Variants in BRIP1 observed in about 807,000 individuals in gnomAD.
BRIP1 encodes Fanconi anemia group J protein.
A neutral mutation model predicts 119.7 loss-of-function variants in BRIP1; 88 were observed. The ratio of observed to expected loss-of-function variants is 0.74; its 90% confidence interval spans 0.62 to 0.88. The LOEUF is 0.88. Ranked by LOEUF, BRIP1 falls within the 40% of genes least tolerant of loss-of-function variation. The pLI is 0.00. For missense variants in BRIP1, 1,259 were observed against 1,455.4 expected, an observed-to-expected ratio of 0.87 and a Z score of 2.20; for synonymous variants, 443 against 496.5, an observed-to-expected ratio of 0.89 and a Z score of 1.43.
rs913650005 is a variant in BRIP1 at position 61,722,096 on chromosome 17, C to T, written c.2380-6033G>A. On this transcript the variant is annotated intron_variant, in intron 16 of 19. Transcript: ENST00000259008. This position sits in a 1 kb window ranked among gnomAD's most constrained non-coding sequence, Gnocchi z 4.6. ...TTGCTCAATCACCCAGGCTGGAGTA[C>T]GGTGGCATGATCTCGGCTCACTGCA... Among the ~76,000 whole-genome samples, 4 of 149,530 alleles carry T rather than the reference C, an allele frequency of 2.7e-5. No homozygotes were observed. The highest frequency in any genetic ancestry group is 6.7e-5 in the Admixed American group (1 of 14,908).
rs2076744923 is a variant in BRIP1, at chr17:61,724,910, A to T, written c.2380-8847T>A. Among the ~76,000 whole-genome samples the T allele has an allele frequency of 6.6e-6, 1 of 152,232 alleles. No individual in the cohort carries two copies. The highest frequency in any genetic ancestry group is 3.2e-3 in the Middle Eastern group (1 of 316). ...ACATTTACAGCAAACCAAATCTGGA[A>T]GACAGAGACTGTGCATTAGAGACAT... is the stretch of plus-strand genomic sequence containing the variant. On this transcript the variant is annotated intron_variant, in intron 16 of 19. Transcript: ENST00000259008. This position sits in a 1 kb window ranked among gnomAD's most constrained non-coding sequence, Gnocchi z 5.1.
In BRIP1 at chr17:61,857,478, C is replaced by G. The variant is rs1288656447; in HGVS notation, c.206-247G>C. Among the ~76,000 whole-genome samples the G allele has an allele frequency of 6.6e-6, 1 of 152,160 alleles. No individual in the cohort carries two copies. On this transcript the variant is annotated intron_variant, in intron 3 of 19. Coordinates refer to ENST00000259008, the MANE Select transcript of BRIP1 (RefSeq NM_032043.3). The surrounding 1 kb of genome is among the most constrained non-coding windows in gnomAD (Gnocchi z 5.1). The stretch of plus-strand genomic sequence containing the variant: ...GTGGCTCACGCCTGTTATCCTAGCA[C>G]TTTGGGAGGCCGAGGCAGGCACATC...
rs1261836416 is a variant in BRIP1, at chr17:61,729,328, C to T, written c.2380-13265G>A. Among the ~76,000 whole-genome samples, 1 of 151,870 alleles carries T rather than the reference C, an allele frequency of 6.6e-6. No individual in the cohort carries two copies. Among genetic ancestry groups the T allele is most frequent in the Non-Finnish European group, 1.5e-5 (1 of 67,932 alleles). Reference sequence around the variant, plus strand: ...CAAACAAACAAAAAAGAAAGGAAATCATTTGATTACAGTGAACAGTATTTT... The same window carrying T: ...CAAACAAACAAAAAAGAAAGGAAATTATTTGATTACAGTGAACAGTATTTT... On this transcript the variant is annotated intron_variant, in intron 16 of 19. Transcript: ENST00000259008. The surrounding 1 kb of genome is among the most constrained non-coding windows in gnomAD (Gnocchi z 5.6).
rs986037874 is a variant in BRIP1 at position 61,700,788 on chromosome 17, G to A, written c.2493-7276C>T. Among the ~76,000 whole-genome samples, 5 of 151,836 alleles carry A rather than the reference G, an allele frequency of 3.3e-5. No individual in the cohort carries two copies. The highest frequency in any genetic ancestry group is 1.2e-4 in the African/African-American group (5 of 41,328). On this transcript the variant is annotated intron_variant, in intron 17 of 19. Transcript: ENST00000259008. This position sits in a 1 kb window ranked among gnomAD's most constrained non-coding sequence, Gnocchi z 4.1. ...CTGGGACTCCAAATATGCATATGTT[G>A]GTACGCTTGATGAGGTTTTACAGGT...
In BRIP1 at chr17:61,822,705, A is replaced by T. The variant is rs1419682337; in HGVS notation, c.628-13948T>A. ...GAATCAATAGAAAGGAGGAAAAATA[A>T]TTGACAAACATCCAGTGATGTGTAA... On this transcript the variant is annotated intron_variant, in intron 6 of 19. Coordinates refer to ENST00000259008, the MANE Select transcript of BRIP1 (RefSeq NM_032043.3). The surrounding 1 kb of genome is among the most constrained non-coding windows in gnomAD (Gnocchi z 4.4). 1.3e-5 allele frequency among the ~76,000 whole-genome samples: 2 copies of T among 152,196 alleles called. No individual in the cohort carries two copies. Among genetic ancestry groups the T allele is most frequent in the Non-Finnish European group, 2.9e-5 (2 of 68,030 alleles).
rs947024650 is a variant in BRIP1, at chr17:61,846,129, C to T, written c.627+972G>A. 2.0e-5 allele frequency among the ~76,000 whole-genome samples: 3 copies of T among 151,496 alleles called. No individual in the cohort carries two copies. In the East Asian group the frequency reaches 5.8e-4, roughly 29 times the overall value. On this transcript the variant is annotated intron_variant, in intron 6 of 19. Transcript: ENST00000259008. The surrounding 1 kb of genome is among the most constrained non-coding windows in gnomAD (Gnocchi z 4.3). ...CCCAGGAGGCGGAGCTTGCAGTGGG[C>T]GGAGATCACGCCACCGCACTTCCAG...
In BRIP1 at chr17:61,799,324, TA is replaced by T. The variant is rs1212935903; in HGVS notation, c.1141-26del. The T allele has an allele frequency of 6.3e-7, 1 of 1,581,692 alleles. No individual in the cohort carries two copies. Among genetic ancestry groups the T allele is most frequent in the East Asian group, 2.2e-5 (1 of 44,644 alleles). The stretch of plus-strand genomic sequence containing the variant: ...TCTATAAGATAAAAGAATTTTCTTG[TA>T]AAACATTTGGCAAAATAGATTTAAC... On this transcript the variant is annotated intron_variant, in intron 8 of 19. Transcript: ENST00000259008. The surrounding 1 kb of genome is among the most constrained non-coding windows in gnomAD (Gnocchi z 5.1).
Position 61,799,269 on chromosome 17 carries a change from T to C in BRIP1, c.1171A>G (p.Ile391Val), listed in dbSNP as rs863224798. The C allele has an allele frequency of 5.0e-6, 8 of 1,613,060 alleles. No individual in the cohort carries two copies. In the African/African-American group the frequency reaches 8.0e-5, roughly 16 times the overall value. ...MDLNLKEQVV[I>V]LDEAHNIEDC... ...TCGATGTTATGAGCTTCATCTAAAA[T>C]GACAACCTGTTCTTTCAGATTTAAA... Residue 391 changes from isoleucine (I) to valine (V), a missense_variant, in exon 9 of 20, where the codon ATT becomes GTT. Coordinates refer to ENST00000259008, the MANE Select transcript of BRIP1 (RefSeq NM_032043.3). The surrounding 1 kb of genome is among the most constrained non-coding windows in gnomAD (Gnocchi z 5.1).
chr17:61,764,764 T>C (rs1199900254), intron 14 of BRIP1, among the ~76,000 whole-genome samples: 2 of 152,120 alleles, frequency 1.3e-5, no homozygotes, highest in Non-Finnish European at 2.9e-5. Flanking sequence ...AAGTGCTTCC[T>C]ATATTTATCC....
rs571112328 is a variant in BRIP1 at position 61,794,297 on chromosome 17, G to A, written c.1341-568C>T. Among the ~76,000 whole-genome samples, 1 of 151,926 alleles carries A rather than the reference G, an allele frequency of 6.6e-6. No individual in the cohort carries two copies. Among genetic ancestry groups the A allele is most frequent in the South Asian group, 2.1e-4 (1 of 4,816 alleles). ...ATTACATTCTACTAAAGGGAGACAG[G>A]AATAAACATCAAAACAAATACATAA... On this transcript the variant is annotated intron_variant, in intron 9 of 19. Transcript: ENST00000259008. This position sits in a 1 kb window ranked among gnomAD's most constrained non-coding sequence, Gnocchi z 4.3.
Position 61,693,370 on chromosome 17 carries a change from C to T in BRIP1, c.2575+60G>A, listed in dbSNP as rs2144183716. 6.9e-7 allele frequency: 1 copy of T among 1,442,530 alleles called. No homozygotes were observed. The highest frequency in any genetic ancestry group is 9.8e-7 in the Non-Finnish European group (1 of 1,024,262). The allele number at this position is 1,442,530 out of a possible 1,614,324, so 89.4% of individuals were successfully genotyped here. A position where few individuals can be genotyped will look rare whatever the true frequency, so the allele number is the denominator to read the frequency against. ...TAGAGCTCATGTTATGTGTTTTTCA[C>T]CACAATAAAAATATGAAGATTGTTA... On this transcript the variant is annotated intron_variant, in intron 18 of 19. Coordinates refer to ENST00000259008, the MANE Select transcript of BRIP1 (RefSeq NM_032043.3). This position sits in a 1 kb window ranked among gnomAD's most constrained non-coding sequence, Gnocchi z 4.2.
At chr17:61,821,556 G>T (rs1011909489) in intron 6 of BRIP1, among the ~76,000 whole-genome samples, 4 of 149,174 alleles carry the variant, frequency 2.7e-5, no homozygotes, top group Admixed American at 2.7e-4. Context: ...TACAGACAGG[G>T]TCTCATTCTG....
At position 61,799,288 on chromosome 17, in the gene BRIP1, A is replaced by G. The variant is rs1055794932; in HGVS notation, c.1152T>C (p.Asn384=). 1 of 1,611,560 alleles carries G rather than the reference A, an allele frequency of 6.2e-7. No individual in the cohort carries two copies. Among genetic ancestry groups the G allele is most frequent in the Non-Finnish European group, 8.5e-7 (1 of 1,178,124 alleles). The change falls in exon 9 of 20, where the codon AAT becomes AAC. Residue 384 remains asparagine, a synonymous_variant. Transcript: ENST00000259008. This position sits in a 1 kb window ranked among gnomAD's most constrained non-coding sequence, Gnocchi z 5.1. ...CTAAAATGACAACCTGTTCTTTCAGATTTAAATCCATCTATAAGATAAAAG... is the reference window on the plus strand; with the variant it reads ...CTAAAATGACAACCTGTTCTTTCAGGTTTAAATCCATCTATAAGATAAAAG... ...DAQIRESMDL[N]LKEQVVILDE...
chr17:61,764,385 T>C (rs1453898608), intron 14 of BRIP1, among the ~76,000 whole-genome samples: 2 of 152,240 alleles, frequency 1.3e-5, no homozygotes, highest in African/African-American at 4.8e-5. Context: ...TCCCACTGTG[T>C]GTTTTAACTA....
At chr17:61,715,524 T>G (rs1449769214) in intron 17 of BRIP1, among the ~76,000 whole-genome samples, 1 of 152,210 alleles carries the variant, frequency 6.6e-6, no homozygotes, top group East Asian at 1.9e-4. Context: ...CACTTTCAAA[T>G]AGAATATCTC....
rs2078449796 is a variant in BRIP1 at position 61,828,993 on chromosome 17, G to A, written c.627+18108C>T. 6.6e-6 allele frequency among the ~76,000 whole-genome samples: 1 copy of A among 152,134 alleles called. No homozygotes were observed. Among genetic ancestry groups the A allele is most frequent in the Non-Finnish European group, 1.5e-5 (1 of 67,988 alleles). On this transcript the variant is annotated intron_variant, in intron 6 of 19. Transcript: ENST00000259008. This position sits in a 1 kb window ranked among gnomAD's most constrained non-coding sequence, Gnocchi z 4.1. ...ACTAAGAGGTATACTTAAGAAGACA[G>A]TGGTGAAGGTAAAGTAGAATCCTAA...
In BRIP1 at chr17:61,849,228, T is replaced by C. The variant is rs876660891; in HGVS notation, c.408A>G (p.Ala136=). Residue 136 remains alanine, a synonymous_variant, in exon 5 of 20, where the codon GCA becomes GCG. Transcript: ENST00000259008. The stretch of plus-strand genomic sequence containing the variant: ...ATGCCTGTTTCTTAGCAGATAACTT[T>C]GCAGCCAGAGTGGTTTTTTCAGGGG... The part of the protein sequence containing the change: ...QDSPEKTTLA[A]KLSAKKQASI... 2 of 1,613,264 alleles carry C rather than the reference T, an allele frequency of 1.2e-6. No homozygotes were observed. The highest frequency in any genetic ancestry group is 2.2e-5 in the East Asian group (1 of 44,774).
chr17:61,719,813 G>A (rs1021155132), intron 16 of BRIP1, among the ~76,000 whole-genome samples: 1 of 151,450 alleles, frequency 6.6e-6, no homozygotes, highest in African/African-American at 2.4e-5. Context: ...AGGGAGGGAT[G>A]GGGAGATATT....
chr17:61,807,265 G>A lies in BRIP1; in HGVS notation c.918+1202C>T, dbSNP rs2078087762. Reference sequence around the variant, plus strand: ...TACTTTCATCTCTCCTTGAAGAGAAGTTTTTTAATATACAGAGTAAAGGAA... The same window carrying A: ...TACTTTCATCTCTCCTTGAAGAGAAATTTTTTAATATACAGAGTAAAGGAA... On this transcript the variant is annotated intron_variant, in intron 7 of 19. Transcript: ENST00000259008. The surrounding 1 kb of genome is among the most constrained non-coding windows in gnomAD (Gnocchi z 4.5). 6.6e-6 allele frequency among the ~76,000 whole-genome samples: 1 copy of A among 152,136 alleles called. No homozygotes were observed. Among genetic ancestry groups the A allele is most frequent in the African/African-American group, 2.4e-5 (1 of 41,442 alleles).
Sources: allele counts gnomAD v4.1 joint callset (sites outside exome capture counted in the v4.1 genomes callset), GRCh38; gene constraint gnomAD v4.1.1; non-coding constraint Gnocchi (gnomAD v3.1); transcripts MANE v1.5; gene names NCBI Gene and HGNC (gene_info 2026-07-23, HGNC 2026-07-21).